The following PIWIL1 variants were observed in gnomAD, a reference collection of about 807,000 sequenced individuals.
The protein encoded by PIWIL1 is piwi like RNA-mediated gene silencing 1.
PIWIL1 carries 73 observed loss-of-function variants against 114.4 expected under a neutral mutation model. That is an observed-to-expected ratio of 0.64 (90% confidence interval 0.53 to 0.78). The LOEUF (loss-of-function observed/expected upper bound fraction) is 0.78. Ranked by LOEUF, PIWIL1 falls within the 30% of genes least tolerant of loss-of-function variation. The probability of loss-of-function intolerance (pLI) is 0.00; values close to 1 mark genes in which losing one functional copy is unlikely to be tolerated. For missense variants in PIWIL1, 723 were observed against 1,063.1 expected (o/e 0.68, Z 4.45); for synonymous variants, 375 against 369.0 (o/e 1.02, Z -0.19).
At chr12:130,385,771 G>C in the PIWIL1 span, among the ~76,000 whole-genome samples, 1 of 152,136 alleles carries the variant, frequency 6.6e-6, no homozygotes. Flanking sequence ...GGGGCTTTCT[G>C]GATACAGTGA....
intron 19 of PIWIL1, among the ~76,000 whole-genome samples, chr12:130,370,842 G>C (rs201685047): frequency 6.6e-6 from 1 of 152,166 alleles, no homozygotes. Context: ...TCAGTCACAT[G>C]GTTCGGGGGT....
In PIWIL1 at chr12:130,358,453, T is replaced by C. The variant is rs1437314939; in HGVS notation, c.1665+900T>C. Among the ~76,000 whole-genome samples, 3 of 152,142 alleles carry C rather than the reference T, an allele frequency of 2.0e-5. No individual in the cohort carries two copies. In the East Asian group the frequency reaches 5.8e-4, roughly 29 times the overall value. On this transcript the variant is annotated intron_variant, in intron 14 of 20. Coordinates refer to ENST00000245255, the MANE Select transcript of PIWIL1 (RefSeq NM_004764.5). ...TGATCTTCATCAAGTGCTTCTGGCT[T>C]TATTTCCTTTTCTGAACAGATTTAG...
the PIWIL1 span, chr12:130,399,177 T>C: frequency 7.4e-7 from 1 of 1,352,198 alleles, no homozygotes; most frequent in Non-Finnish European, 9.6e-7. Flanking sequence ...TCCAAGCAGA[T>C]GAGCAAAGAA....
chr12:130,373,039 A>G (rs1363022539), downstream of PIWIL1, among the ~76,000 whole-genome samples: 1 of 152,208 alleles, frequency 6.6e-6, no homozygotes, highest in African/African-American at 2.4e-5. Flanking sequence ...TCATTAACAT[A>G]TTATGAATGA....
At chr12:130,404,203 TACAC>T in the PIWIL1 span, among the ~76,000 whole-genome samples, 3 of 151,956 alleles carry the variant, frequency 2.0e-5, no homozygotes, top group African/African-American at 4.8e-5. Flanking sequence ...GGGGGACATG[TACAC>T]ACACACACAC....
At chr12:130,353,341 T>G in intron 9 of PIWIL1, among the ~76,000 whole-genome samples, 1 of 147,578 alleles carries the variant, frequency 6.8e-6, no homozygotes, top group Non-Finnish European at 1.5e-5. Context: ...GTGTGCTCAG[T>G]GGAGGTGTGT....
At chr12:130,375,304 A>C (rs2073858773), downstream of PIWIL1, among the ~76,000 whole-genome samples, 1 of 152,144 alleles carries the variant, frequency 6.6e-6, no homozygotes, top group South Asian at 2.1e-4. Context: ...GTTGTATTTC[A>C]ATTCATGATC....
intron 14 of PIWIL1, among the ~76,000 whole-genome samples, chr12:130,359,464 T>C (rs2136172263): frequency 6.6e-6 from 1 of 152,310 alleles, no homozygotes; most frequent in East Asian, 1.9e-4. Flanking sequence ...AACCATTCCC[T>C]GCCCTGCTCT....
chr12:130,362,710 A>G (rs2073547625), intron 16 of PIWIL1, 56 bp from the exon 17 acceptor site: 3 of 1,473,962 alleles, frequency 2.0e-6, no homozygotes, highest in Non-Finnish European at 2.8e-6. Flanking sequence ...TAATTCAGAA[A>G]GGAAAAATTG....
At chr12:130,338,936 GGGGTGC>G (rs2072810522) in intron 1 of PIWIL1, among the ~76,000 whole-genome samples, 1 of 148,448 alleles carries the variant, frequency 6.7e-6, no homozygotes, top group African/African-American at 2.5e-5. Context: ...TGAGTTGCCG[GGGGTGC>G]GGGGGCGGAG....
At chr12:130,376,535 G>A (rs181712323), downstream of PIWIL1, among the ~76,000 whole-genome samples, 156 of 152,290 alleles carry the variant, frequency 1.0e-3, no homozygotes, top group African/African-American at 3.6e-3. Context: ...TATGCTCAAA[G>A]TTAAACTGTG....
At chr12:130,359,853 T>C (rs895465993) in intron 14 of PIWIL1, among the ~76,000 whole-genome samples, 1 of 152,222 alleles carries the variant, frequency 6.6e-6, no homozygotes, top group Non-Finnish European at 1.5e-5. Flanking sequence ...TAGGTTCTAC[T>C]ATTATGTCAT....
intron 3 of PIWIL1, among the ~76,000 whole-genome samples, chr12:130,343,906 C>T (rs553451454): frequency 3.9e-5 from 6 of 152,252 alleles, no homozygotes; most frequent in Admixed American, 1.3e-4. Flanking sequence ...GGATTACAGG[C>T]GTGAGCCACC....
the PIWIL1 span, among the ~76,000 whole-genome samples, chr12:130,399,407 A>C: frequency 6.6e-6 from 1 of 152,158 alleles, no homozygotes; most frequent in Admixed American, 6.5e-5. Context: ...ATCAAACTGA[A>C]ATGTGCTTCT....
At chr12:130,424,880 A>C in the PIWIL1 span, 385 of 1,217,734 alleles carry the variant, frequency 3.2e-4, no homozygotes, top group African/African-American at 5.1e-3. This position sits in a 1 kb window ranked among gnomAD's most constrained non-coding sequence, Gnocchi z 9.8. Flanking sequence ...GTGTGTCAAG[A>C]ACAGGCGCGG....
chr12:130,379,243 T>A, the PIWIL1 span, among the ~76,000 whole-genome samples: 1 of 152,256 alleles, frequency 6.6e-6, no homozygotes, highest in Non-Finnish European at 1.5e-5. Context: ...AATGCCTTTT[T>A]TCTTCATTCT....
chr12:130,352,720 T>C (rs1395846034), intron 9 of PIWIL1, among the ~76,000 whole-genome samples: 4 of 152,076 alleles, frequency 2.6e-5, no homozygotes, highest in Non-Finnish European at 5.9e-5. Context: ...CACCTAAGAA[T>C]ATAAAAGTGG....
chr12:130,414,195 G>A, the PIWIL1 span: 5 of 1,614,214 alleles, frequency 3.1e-6, no homozygotes, highest in Middle Eastern at 1.6e-4. Flanking sequence ...CATGGTGAGC[G>A]GGTCGTAGTC....
At chr12:130,378,332 G>A in the PIWIL1 span, among the ~76,000 whole-genome samples, 3 of 152,160 alleles carry the variant, frequency 2.0e-5, no homozygotes, top group African/African-American at 7.2e-5. Context: ...GGTGGTATTC[G>A]ACCGCGTGAT....
Sources: allele counts gnomAD v4.1 joint callset (sites outside exome capture counted in the v4.1 genomes callset), GRCh38; gene constraint gnomAD v4.1.1; non-coding constraint Gnocchi (gnomAD v3.1); transcripts MANE v1.5; gene names NCBI Gene and HGNC (gene_info 2026-07-23, HGNC 2026-07-21).